The following KLHL1 variants were observed in gnomAD, a reference collection of about 807,000 sequenced individuals.
KLHL1 encodes kelch-like protein 1.
A neutral mutation model predicts 77.7 loss-of-function variants in KLHL1; 47 were observed. The observed-to-expected ratio is 0.60, with a 90% CI of 0.48 to 0.77. KLHL1 has a LOEUF of 0.77. Ranked by LOEUF, KLHL1 falls within the 30% of genes least tolerant of loss-of-function variation. The pLI, the probability that KLHL1 is intolerant of heterozygous loss-of-function variation, is 0.00. For synonymous variants in KLHL1, 360 were observed against 325.2 expected (o/e 1.11, Z -1.15); for missense variants, 925 against 910.8 (o/e 1.02, Z -0.20).
intron 6 of KLHL1, among the ~76,000 whole-genome samples, chr13:69,820,875 A>G (rs1047470790): frequency 6.6e-6 from 1 of 152,222 alleles, no homozygotes; most frequent in Non-Finnish European, 1.5e-5. Flanking sequence ...CATTTCCAAG[A>G]AAAATACAGT....
At chr13:69,995,402 T>C (rs1885127117) in intron 1 of KLHL1, among the ~76,000 whole-genome samples, 1 of 152,120 alleles carries the variant, frequency 6.6e-6, no homozygotes, top group South Asian at 2.1e-4. Context: ...GTCTATTTAA[T>C]TAGAAAATGT....
At chr13:70,091,150 T>C (rs1328708793) in intron 1 of KLHL1, among the ~76,000 whole-genome samples, 1 of 152,122 alleles carries the variant, frequency 6.6e-6, no homozygotes, top group East Asian at 1.9e-4. Context: ...CTTATTCATC[T>C]CTACTTCTGC....
At chr13:69,956,107 T>TTATATTTGATATA (rs1045769380) in intron 3 of KLHL1, among the ~76,000 whole-genome samples, 4 of 112,632 alleles carry the variant, frequency 3.6e-5, no homozygotes, top group Non-Finnish European at 6.7e-5. Flanking sequence ...ATATATATAT[T>TTATATTTGATATA]TATATTTGAT....
intron 6 of KLHL1, among the ~76,000 whole-genome samples, chr13:69,801,092 T>C (rs1877357009): frequency 6.6e-6 from 1 of 152,182 alleles, no homozygotes; most frequent in South Asian, 2.1e-4. Flanking sequence ...CACAATGTAA[T>C]CCATGCATGT....
chr13:70,012,832 G>A (rs900860330), intron 1 of KLHL1, among the ~76,000 whole-genome samples: 2 of 152,002 alleles, frequency 1.3e-5, no homozygotes, highest in Non-Finnish European at 2.9e-5. Flanking sequence ...GAACCTGGGA[G>A]GCAGAGCTTG....
Position 69,915,323 on chromosome 13 carries a change from G to C in KLHL1, c.1014+24717C>G, listed in dbSNP as rs1027342425. ...CAAAAGAACAAAGCTGGAGGCATCAGGCTACCTGACTTCAAACTATACTAC... is the reference window on the plus strand; with the variant it reads ...CAAAAGAACAAAGCTGGAGGCATCACGCTACCTGACTTCAAACTATACTAC... On this transcript the variant is annotated intron_variant, in intron 4 of 10. Coordinates refer to ENST00000377844, the MANE Select transcript of KLHL1 (RefSeq NM_020866.3). Among the ~76,000 whole-genome samples, 4 of 152,130 alleles carry C rather than the reference G, an allele frequency of 2.6e-5. No homozygotes were observed. The South Asian group carries it at 8.3e-4, about 32-fold the overall frequency.
chr13:69,715,520 TA>T (rs1876078783), intron 9 of KLHL1, among the ~76,000 whole-genome samples: 7 of 9,022 alleles, frequency 7.8e-4, no homozygotes, highest in South Asian at 0.024. Context: ...GCAGTTTTAT[TA>T]TTTATTTTTT....
rs187186259 is a variant in KLHL1, at chr13:70,062,079, A to G, written c.497+45124T>C. On this transcript the variant is annotated intron_variant, in intron 1 of 10. Coordinates refer to ENST00000377844, the MANE Select transcript of KLHL1 (RefSeq NM_020866.3). Reference sequence around the variant, plus strand: ...AGTTGTAATTTTGTATTCCTTAACCAGCCTCTCCCCATCTTCCTGTCTCCG... The same window carrying G: ...AGTTGTAATTTTGTATTCCTTAACCGGCCTCTCCCCATCTTCCTGTCTCCG... 1.8e-3 allele frequency among the ~76,000 whole-genome samples: 272 copies of G among 152,252 alleles called. 2 individuals are homozygous for G. The highest frequency in any genetic ancestry group is 6.2e-3 in the African/African-American group (258 of 41,552).
intron 5 of KLHL1, among the ~76,000 whole-genome samples, chr13:69,876,815 A>G (rs112735125): frequency 8.5e-5 from 13 of 152,278 alleles, no homozygotes; most frequent in East Asian, 1.9e-4. Flanking sequence ...AGGCGGGTGG[A>G]TCACCTGAGA....
At chr13:69,743,417 A>G (rs1043934304) in intron 7 of KLHL1, among the ~76,000 whole-genome samples, 2 of 152,172 alleles carry the variant, frequency 1.3e-5, no homozygotes, top group Non-Finnish European at 2.9e-5. Flanking sequence ...AATATTTGAA[A>G]TATACTCACA....
rs1473772458 is a variant in KLHL1 at position 70,108,080 on chromosome 13, C to T, written c.-381G>A. ...GGGAGGTCTGAGCGCTCCGAAGCTC[C>T]GGAGGCGGCTGCAGCTGGATACACC... On this transcript the variant is annotated 5_prime_UTR_variant, in exon 1 of 11. Transcript: ENST00000377844. 1.4e-5 allele frequency: 6 copies of T among 414,116 alleles called. No individual in the cohort carries two copies. Among genetic ancestry groups the T allele is most frequent in the African/African-American group, 8.2e-5 (4 of 48,750 alleles). The allele number at this position is 414,116 out of a possible 1,614,324, so 25.7% of individuals were successfully genotyped here.
chr13:69,850,001 T>C (rs1216731805), intron 5 of KLHL1, among the ~76,000 whole-genome samples: 2 of 151,504 alleles, frequency 1.3e-5, no homozygotes, highest in East Asian at 3.9e-4. Context: ...CAACCAAATA[T>C]CTATATTACT....
intron 1 of KLHL1, among the ~76,000 whole-genome samples, chr13:70,026,072 T>C (rs1262834436): frequency 6.6e-6 from 1 of 152,134 alleles, no homozygotes; most frequent in Non-Finnish European, 1.5e-5. Flanking sequence ...GCAAAGAGGA[T>C]ATCCCTCTGG....
At chr13:69,903,754 G>T (rs1881952755) in intron 4 of KLHL1, among the ~76,000 whole-genome samples, 1 of 137,434 alleles carries the variant, frequency 7.3e-6, no homozygotes, top group South Asian at 2.4e-4. Context: ...CGATTCTCCT[G>T]CCTCAGCCTC....
intron 7 of KLHL1, among the ~76,000 whole-genome samples, chr13:69,787,970 CCAGT>C (rs1183031340): frequency 6.6e-6 from 1 of 152,210 alleles, no homozygotes; most frequent in East Asian, 1.9e-4. Flanking sequence ...CCATCTCACA[CCAGT>C]TAGTTAGAAT....
chr13:70,002,042 G>A (rs571774363), intron 1 of KLHL1, among the ~76,000 whole-genome samples: 6 of 151,640 alleles, frequency 4.0e-5, no homozygotes, highest in African/African-American at 1.4e-4. Flanking sequence ...AATCTTCAAT[G>A]ATATTAAAGC....
chr13:69,781,448 T>A (rs1471852447), intron 7 of KLHL1, among the ~76,000 whole-genome samples: 1 of 152,090 alleles, frequency 6.6e-6, no homozygotes, highest in East Asian at 1.9e-4. Flanking sequence ...TTGAAAACCT[T>A]TGCCTGTCGG....
At chr13:69,844,381 C>T (rs1455022974) in intron 5 of KLHL1, among the ~76,000 whole-genome samples, 1 of 151,532 alleles carries the variant, frequency 6.6e-6, no homozygotes, top group African/African-American at 2.4e-5. Context: ...TAACTTTGGC[C>T]TACTCCTACT....
intron 4 of KLHL1, among the ~76,000 whole-genome samples, chr13:69,926,450 C>T (rs193103902): frequency 3.6e-4 from 55 of 152,134 alleles, no homozygotes; most frequent in Non-Finnish European, 7.4e-5. Flanking sequence ...AAAATAAGAA[C>T]CTCGATTTCC....
Sources: gnomAD v4.1 joint callset for allele counts (sites outside exome capture counted in the v4.1 genomes callset) on GRCh38, gnomAD v4.1.1 for gene constraint, MANE v1.5 for transcripts, NCBI Gene and HGNC (gene_info 2026-07-23, HGNC 2026-07-21) for gene names.